PFKFB2: variants seen among roughly 807,000 people sequenced by gnomAD.
The protein encoded by PFKFB2 is 6-phosphofructo-2-kinase/fructose-2,6-biphosphatase 2, also known as 6-phosphofructo-2-kinase/fructose-2,6-bisphosphatase 2.
PFKFB2 carries 53 observed loss-of-function variants against 68.0 expected under a neutral mutation model. The observed-to-expected ratio is 0.78, with a 90% confidence interval of 0.63 to 0.98. The LOEUF is 0.98. Ranked by LOEUF, PFKFB2 falls within the 50% of genes least tolerant of loss-of-function variation. PFKFB2 has a pLI of 0.00. For missense variants in PFKFB2, 451 were observed against 642.0 expected, an observed-to-expected ratio of 0.70 and a Z score of 3.22; for synonymous variants, 222 against 227.6, an observed-to-expected ratio of 0.98 and a Z score of 0.22.
At chr1:207,068,771 G>T (rs545649468) in intron 10 of PFKFB2, among the ~76,000 whole-genome samples, 1 of 148,186 alleles carries the variant, frequency 6.7e-6, no homozygotes. Flanking sequence ...TTTGTGACAC[G>T]GAGTCTCGCT....
chr1:207,034,465 C>T (rs1682338203), exon 1 of PFKFB2: 1 of 152,208 alleles, frequency 6.6e-6, no homozygotes, highest in African/African-American at 2.4e-5. Context: ...GTTGATCCAG[C>T]TCCATAGGTG....
Position 207,074,174 on chromosome 1 carries a change from CT to C in PFKFB2, c.*1805del. On this transcript the variant is annotated 3_prime_UTR_variant, in exon 15 of 15. Coordinates refer to ENST00000367080, the MANE Select transcript of PFKFB2 (RefSeq NM_006212.2). The stretch of plus-strand genomic sequence containing the variant: ...TCATAGCTCGGGTTAAGAACTCCAC[CT>C]TAGGAAGTTAGGTGGAAAAATACTG... 1 of 984,990 alleles carries C rather than the reference CT, an allele frequency of 1.0e-6. No individual in the cohort carries two copies. 61.0% of individuals were successfully genotyped at this position (984,990 alleles called of 1,614,324 possible). A position where few individuals can be genotyped will look rare whatever the true frequency, so the allele number is the denominator to read the frequency against.
At chr1:207,066,599 G>A (rs879735029) in intron 8 of PFKFB2, among the ~76,000 whole-genome samples, 2 of 152,194 alleles carry the variant, frequency 1.3e-5, no homozygotes, top group Admixed American at 6.5e-5. Context: ...AGGGTGATGC[G>A]TGATTTGCAT....
rs932897915 is a variant in PFKFB2 at position 207,077,357 on chromosome 1, A to T, written c.*4986A>T. ...ATTGATTTTAAGGGTTGGCAAAAGT[A>T]TTTTTTCCAGTAAGCCTTTCACTGG... On this transcript the variant is annotated 3_prime_UTR_variant, in exon 15 of 15. Transcript: ENST00000367080. 2.0e-6 allele frequency: 2 copies of T among 984,964 alleles called. No homozygotes were observed. The allele number at this position is 984,964 out of a possible 1,614,324, so 61.0% of individuals were successfully genotyped here. A position where few individuals can be genotyped will look rare whatever the true frequency, so the allele number is the denominator to read the frequency against.
In PFKFB2 at chr1:207,063,514, A is replaced by G. The variant is rs1683180213; in HGVS notation, c.450+93A>G. The stretch of plus-strand genomic sequence containing the variant: ...ATCTCTCACTCTAGTGGGTGAGGAC[A>G]GGATGGGATATCTGAATCTCTTCTC... On this transcript the variant is annotated intron_variant, in intron 6 of 14. Transcript: ENST00000367080. The surrounding 1 kb of genome is among the most constrained non-coding windows in gnomAD (Gnocchi z 4.1). 2.4e-6 allele frequency: 2 copies of G among 850,886 alleles called. No individual in the cohort carries two copies. Among genetic ancestry groups the G allele is most frequent in the Non-Finnish European group, 2.0e-6 (1 of 504,530 alleles). 52.7% of individuals were successfully genotyped at this position (850,886 alleles called of 1,614,324 possible).
intron 2 of PFKFB2, among the ~76,000 whole-genome samples, chr1:207,058,316 G>A (rs534755458): frequency 7.2e-5 from 11 of 152,320 alleles, no homozygotes; most frequent in East Asian, 3.9e-4. Flanking sequence ...AAAAGAAGAC[G>A]TCCTGGGTCC....
intron 8 of PFKFB2, among the ~76,000 whole-genome samples, chr1:207,067,097 C>G (rs1683313331): frequency 6.6e-6 from 1 of 152,164 alleles, no homozygotes; most frequent in Non-Finnish European, 1.5e-5. Flanking sequence ...TCTTCCCTTC[C>G]CCTCGTTGCT....
chr1:207,077,155 G>A lies in PFKFB2; in HGVS notation c.*4784G>A. 1.0e-6 allele frequency: 1 copy of A among 985,224 alleles called. No individual in the cohort carries two copies. Among genetic ancestry groups the A allele is most frequent in the Non-Finnish European group, 1.2e-6 (1 of 829,914 alleles). 61.0% of individuals were successfully genotyped at this position (985,224 alleles called of 1,614,324 possible). ...TTGAAGTCATCTCATCCAGTCCCCT[G>A]CTTTAGGGCAGGACTTCAGTTCCAC... On this transcript the variant is annotated 3_prime_UTR_variant, in exon 15 of 15. Coordinates refer to ENST00000367080, the MANE Select transcript of PFKFB2 (RefSeq NM_006212.2).
intron 1 of PFKFB2, among the ~76,000 whole-genome samples, chr1:207,037,516 T>C (rs1362534456): frequency 1.3e-5 from 2 of 152,242 alleles, no homozygotes; most frequent in African/African-American, 4.8e-5. Context: ...TGTCTTTAGA[T>C]ATATCTTTTG....
intron 10 of PFKFB2, among the ~76,000 whole-genome samples, chr1:207,068,548 G>A (rs1683369681): frequency 6.6e-6 from 1 of 152,140 alleles, no homozygotes; most frequent in South Asian, 2.1e-4. Context: ...TTTTGAGCCA[G>A]CCTTTCTGGC....
In PFKFB2 at chr1:207,070,913, G is replaced by T. The variant is rs190838906; in HGVS notation, c.1223-275G>T. On this transcript the variant is annotated intron_variant, in intron 12 of 14. Coordinates refer to ENST00000367080, the MANE Select transcript of PFKFB2 (RefSeq NM_006212.2). The surrounding 1 kb of genome is among the most constrained non-coding windows in gnomAD (Gnocchi z 4.2). ...TGGTCAGACCTTATTGGCCTTTGCT[G>T]TACCCAGGTGACCCCCTTCCATTGG... 1.9e-4 allele frequency: 78 copies of T among 415,082 alleles called. No individual in the cohort carries two copies. The Middle Eastern group carries it at 2.7e-3, about 14-fold the overall frequency. The allele number at this position is 415,082 out of a possible 1,614,324, so 25.7% of individuals were successfully genotyped here.
chr1:207,080,838 T>C (rs1356828651), downstream of PFKFB2: 3 of 152,130 alleles, frequency 2.0e-5, no homozygotes, highest in Non-Finnish European at 4.4e-5. Context: ...AAAATAACGA[T>C]GTTAAGGGAC....
Position 207,074,064 on chromosome 1 carries a change from A to G in PFKFB2, c.*1693A>G. The G allele has an allele frequency of 1.1e-6, 1 of 898,500 alleles. No homozygotes were observed. Among genetic ancestry groups the G allele is most frequent in the Non-Finnish European group, 1.3e-6 (1 of 750,702 alleles). The allele number at this position is 898,500 out of a possible 1,614,324, so 55.7% of individuals were successfully genotyped here. ...TTGAATCATAAACATGCCTGTGTCC[A>G]CCTTATGCTTAATACTGACTCAGAA... On this transcript the variant is annotated 3_prime_UTR_variant, in exon 15 of 15. Transcript: ENST00000367080.
At chr1:207,050,626 T>C (rs1404127744), upstream of PFKFB2, 2 of 1,597,316 alleles carry the variant, frequency 1.3e-6, no homozygotes, top group Non-Finnish European at 1.7e-6. Flanking sequence ...GGTGTTTTGT[T>C]CTCTCTCACG....
chr1:207,064,923 G>A (rs1683238721), intron 7 of PFKFB2, 113 bp from the exon 8 acceptor site: 4 of 1,268,986 alleles, frequency 3.2e-6, no homozygotes, highest in Non-Finnish European at 1.1e-6. Flanking sequence ...CAATGTTCCA[G>A]TGAAAGGCGA....
At chr1:207,039,032 A>C (rs1682431933) in intron 1 of PFKFB2, among the ~76,000 whole-genome samples, 1 of 152,238 alleles carries the variant, frequency 6.6e-6, no homozygotes, top group Non-Finnish European at 1.5e-5. Flanking sequence ...TTATTACCTT[A>C]GCTTTTCCTA....
upstream of PFKFB2, chr1:207,052,333 G>GGTTA (rs1558055362): frequency 7.6e-6 from 8 of 1,048,768 alleles, no homozygotes; most frequent in African/African-American, 9.4e-5. Context: ...CCTGGGTTAG[G>GGTTA]GGGTAGGTAG....
At chr1:207,053,639 C>T (rs1384231834) in intron 1 of PFKFB2, among the ~76,000 whole-genome samples, 1 of 152,168 alleles carries the variant, frequency 6.6e-6, no homozygotes, top group African/African-American at 2.4e-5. Flanking sequence ...CTTTCCCACT[C>T]CAGTTTGAAT....
chr1:207,043,882 T>TCACTTAATA (rs1329409361), intron 2 of PFKFB2: 1 of 152,544 alleles, frequency 6.6e-6, no homozygotes, highest in Non-Finnish European at 1.5e-5. Flanking sequence ...TTGAAACAAG[T>TCACTTAATA]CACTTAATAC....
Sources: allele counts gnomAD v4.1 joint callset (sites outside exome capture counted in the v4.1 genomes callset), GRCh38; gene constraint gnomAD v4.1.1; non-coding constraint Gnocchi (gnomAD v3.1); transcripts MANE v1.5; gene names NCBI Gene and HGNC (gene_info 2026-07-23, HGNC 2026-07-21).